Variants in PPFIA2 observed in about 807,000 individuals in gnomAD.
PPFIA2 encodes liprin-alpha-2.
PPFIA2 carries 46 observed loss-of-function variants against 175.5 expected under a neutral mutation model. The observed-to-expected ratio is 0.26, with a 90% confidence interval of 0.21 to 0.34. The LOEUF is 0.34. Ranked by LOEUF, PPFIA2 falls within the 10% of genes least tolerant of loss-of-function variation. The pLI is 1.00. For synonymous variants in PPFIA2, 568 were observed against 511.4 expected (o/e 1.11, Z -1.49); for missense variants, 1,179 against 1,506.1 (o/e 0.78, Z 3.60).
chr12:81,317,398 C>G (rs1344512392), intron 22 of PPFIA2, among the ~76,000 whole-genome samples: 1 of 151,406 alleles, frequency 6.6e-6, no homozygotes, highest in African/African-American at 2.4e-5. Context: ...TTAGATAGGT[C>G]TGTTTAGCTT....
At chr12:81,688,712 C>T (rs1175542528) in intron 3 of PPFIA2, among the ~76,000 whole-genome samples, 7 of 149,882 alleles carry the variant, frequency 4.7e-5, no homozygotes, top group Non-Finnish European at 1.0e-4. Context: ...ACTGTGGTAC[C>T]TTAAGGCAAT....
intron 24 of PPFIA2, among the ~76,000 whole-genome samples, chr12:81,293,106 T>C (rs2045482126): frequency 6.6e-6 from 1 of 152,000 alleles, no homozygotes; most frequent in South Asian, 2.1e-4. Flanking sequence ...AATAAAGTAA[T>C]AAGACTTTTT....
intron 4 of PPFIA2, among the ~76,000 whole-genome samples, chr12:81,588,669 T>C (rs2075613615): frequency 6.6e-6 from 1 of 152,156 alleles, no homozygotes; most frequent in Non-Finnish European, 1.5e-5. Flanking sequence ...TCTTATAATA[T>C]TCAGCAACTT....
At chr12:81,312,248 C>T (rs2051109953) in intron 22 of PPFIA2, 1 of 1,321,524 alleles carries the variant, frequency 7.6e-7, no homozygotes, top group Admixed American at 2.2e-5. Context: ...CAAAGAAAAC[C>T]ATGGAATAAA....
rs555363436 is a variant in PPFIA2, at chr12:81,356,321, T to C, written c.1773+1761A>G. On this transcript the variant is annotated intron_variant, in intron 16 of 32. Transcript: ENST00000549396. Reference sequence around the variant, plus strand: ...ACAATAGTGACATCAAAGATCACTGTTCACAGATCACCATAACAGATATAA... The same window carrying C: ...ACAATAGTGACATCAAAGATCACTGCTCACAGATCACCATAACAGATATAA... Among the ~76,000 whole-genome samples, 5 of 152,226 alleles carry C rather than the reference T, an allele frequency of 3.3e-5. No homozygotes were observed. In the East Asian group the frequency reaches 7.7e-4, roughly 23 times the overall value.
At chr12:81,313,426 G>T (rs1594638356) in intron 22 of PPFIA2, among the ~76,000 whole-genome samples, 1 of 151,986 alleles carries the variant, frequency 6.6e-6, no homozygotes. Context: ...TTCATTCAGA[G>T]AAACCGTGTA....
intron 4 of PPFIA2, among the ~76,000 whole-genome samples, chr12:81,473,244 C>G (rs767925660): frequency 1.3e-5 from 2 of 152,036 alleles, no homozygotes; most frequent in Non-Finnish European, 2.9e-5. Flanking sequence ...CTTGTCTCTA[C>G]CAAAAATACA....
In PPFIA2 at chr12:81,353,417, A is replaced by G. The variant is rs148521247; in HGVS notation, c.1774-78T>C. ...AGCATTAATCTCAAAGACAGCAACA[A>G]CAACAGGCATGCTTTTACAACTGAC... On this transcript the variant is annotated intron_variant, in intron 16 of 32. Coordinates refer to ENST00000549396, the MANE Select transcript of PPFIA2 (RefSeq NM_003625.5). 1.2e-5 allele frequency: 12 copies of G among 1,003,570 alleles called. No homozygotes were observed. The African/African-American group carries it at 1.7e-4, about 15-fold the overall frequency. The allele number at this position is 1,003,570 out of a possible 1,614,324, so 62.2% of individuals were successfully genotyped here.
intron 4 of PPFIA2, among the ~76,000 whole-genome samples, chr12:81,567,875 C>G (rs755531226): frequency 6.6e-6 from 1 of 152,136 alleles, no homozygotes; most frequent in Non-Finnish European, 1.5e-5. Context: ...AAAATGTAAA[C>G]CTTCACATTT....
At chr12:81,464,622 T>C (rs1322296663) in intron 4 of PPFIA2, among the ~76,000 whole-genome samples, 2 of 152,266 alleles carry the variant, frequency 1.3e-5, no homozygotes, top group East Asian at 3.9e-4. Flanking sequence ...GCATATGTTA[T>C]TTCCAAAGTG....
At chr12:81,551,076 A>C (rs2067837771) in intron 4 of PPFIA2, among the ~76,000 whole-genome samples, 2 of 148,622 alleles carry the variant, frequency 1.3e-5, no homozygotes, top group South Asian at 4.4e-4. Context: ...TATTGGCATG[A>C]CTAGGATAAA....
At chr12:81,754,659 T>G (rs1192356684) in intron 2 of PPFIA2, among the ~76,000 whole-genome samples, 1 of 152,266 alleles carries the variant, frequency 6.6e-6, no homozygotes, top group Non-Finnish European at 1.5e-5. Context: ...GCACAGTGTC[T>G]GGCATTTAAC....
chr12:81,430,204 C>G (rs2047852869), intron 7 of PPFIA2: 1 of 152,048 alleles, frequency 6.6e-6, no homozygotes, highest in Non-Finnish European at 1.5e-5. Flanking sequence ...TCATTTGTGG[C>G]TTTGTTTTCA....
intron 4 of PPFIA2, among the ~76,000 whole-genome samples, chr12:81,580,377 A>G (rs867865000): frequency 9.6e-4 from 146 of 151,910 alleles, no homozygotes; most frequent in South Asian, 1.0e-3. Flanking sequence ...TTCAAATGCT[A>G]TAAGGATTCC....
chr12:81,744,746 T>C (rs2082823324), intron 3 of PPFIA2, among the ~76,000 whole-genome samples: 1 of 152,150 alleles, frequency 6.6e-6, no homozygotes, highest in Admixed American at 6.6e-5. Context: ...CTTTCTATTG[T>C]CCATGTCTTT....
intron 3 of PPFIA2, among the ~76,000 whole-genome samples, chr12:81,724,498 T>C (rs935176034): frequency 2.0e-5 from 3 of 150,784 alleles, no homozygotes; most frequent in Non-Finnish European, 3.0e-5. Context: ...CCTTTCTGAG[T>C]CTCCAGTGTT....
In PPFIA2 at chr12:81,399,800, T is replaced by C. The variant is rs377198294; in HGVS notation, c.762+5987A>G. Among the ~76,000 whole-genome samples, 9 of 152,260 alleles carry C rather than the reference T, an allele frequency of 5.9e-5. No homozygotes were observed. The East Asian group carries it at 1.7e-3, about 29-fold the overall frequency. ...GAAACATTCAAGTCGTTATGTTTTG[T>C]AAGGAATTAGAATACAATATATGGA... is the stretch of plus-strand genomic sequence containing the variant. On this transcript the variant is annotated intron_variant, in intron 8 of 32. Coordinates refer to ENST00000549396, the MANE Select transcript of PPFIA2 (RefSeq NM_003625.5).
At chr12:81,743,320 G>A (rs2153656213) in intron 3 of PPFIA2, among the ~76,000 whole-genome samples, 1 of 146,054 alleles carries the variant, frequency 6.8e-6, no homozygotes, top group Admixed American at 7.2e-5. Context: ...GGGAGGCTGA[G>A]GCAGGAGAAT....
At chr12:81,694,065 A>G (rs954018152) in intron 3 of PPFIA2, among the ~76,000 whole-genome samples, 1 of 152,168 alleles carries the variant, frequency 6.6e-6, no homozygotes, top group African/African-American at 2.4e-5. Flanking sequence ...ATTGGAATTT[A>G]TGTTTAAAAA....
Sources: gnomAD v4.1 joint callset for allele counts (sites outside exome capture counted in the v4.1 genomes callset) on GRCh38, gnomAD v4.1.1 for gene constraint, MANE v1.5 for transcripts, NCBI Gene and HGNC (gene_info 2026-07-23, HGNC 2026-07-21) for gene names.